Variants in PDSS2 observed in about 807,000 individuals in gnomAD.
The protein encoded by PDSS2 is all trans-polyprenyl-diphosphate synthase PDSS2.
A neutral mutation model predicts 44.5 loss-of-function variants in PDSS2; 31 were observed. That is an observed-to-expected ratio of 0.70 (90% CI 0.52 to 0.94). The LOEUF is 0.94. Ranked by LOEUF, PDSS2 falls within the 40% of genes least tolerant of loss-of-function variation. PDSS2 has a pLI of 0.00. For synonymous variants in PDSS2, 157 were observed against 180.3 expected (o/e 0.87, Z 1.03); for missense variants, 452 against 482.2 (o/e 0.94, Z 0.59).
chr6:107,194,058 T>C (rs1485738448), intron 6 of PDSS2, among the ~76,000 whole-genome samples: 1 of 152,184 alleles, frequency 6.6e-6, no homozygotes, highest in East Asian at 1.9e-4. Flanking sequence ...TGAGCACGCA[T>C]AGACACTACC....
intron 2 of PDSS2, among the ~76,000 whole-genome samples, chr6:107,305,377 C>T (rs1356590761): frequency 6.6e-6 from 1 of 152,046 alleles, no homozygotes; most frequent in Admixed American, 6.6e-5. Context: ...ACATCAGAAC[C>T]TTTCTCTGGG....
At chr6:107,175,214 GA>G (rs35268855) in intron 7 of PDSS2, among the ~76,000 whole-genome samples, 46,117 of 140,334 alleles carry the variant, frequency 0.33, 7,508 homozygotes, top group East Asian at 0.53. Flanking sequence ...TCCATCTCAG[GA>G]AAAAAAAAAA....
intron 6 of PDSS2, among the ~76,000 whole-genome samples, chr6:107,197,090 A>G (rs544090405): frequency 6.6e-6 from 1 of 152,286 alleles, no homozygotes; most frequent in African/African-American, 2.4e-5. Context: ...TCTGTTCCAA[A>G]ATTCACATAG....
chr6:107,381,886 G>C (rs1262591195), intron 1 of PDSS2, among the ~76,000 whole-genome samples: 2 of 152,116 alleles, frequency 1.3e-5, no homozygotes, highest in Non-Finnish European at 2.9e-5. Context: ...TTTTTTCAGA[G>C]GTTTAACACT....
intron 1 of PDSS2, among the ~76,000 whole-genome samples, chr6:107,456,664 C>T (rs1302616379): frequency 1.3e-5 from 2 of 152,296 alleles, no homozygotes; most frequent in African/African-American, 2.4e-5. Flanking sequence ...TCGCAATCCT[C>T]CCAAGCAGCT....
At chr6:107,360,504 T>C (rs1233980682) in intron 1 of PDSS2, among the ~76,000 whole-genome samples, 2 of 152,324 alleles carry the variant, frequency 1.3e-5, no homozygotes, top group East Asian at 3.9e-4. Flanking sequence ...ACCAGAGGCA[T>C]AGTTTATGAG....
intron 1 of PDSS2, among the ~76,000 whole-genome samples, chr6:107,457,884 T>C (rs1324147032): frequency 6.6e-6 from 1 of 152,142 alleles, no homozygotes; most frequent in Non-Finnish European, 1.5e-5. Context: ...CGTACTTACG[T>C]AGGAGATTAC....
intron 1 of PDSS2, among the ~76,000 whole-genome samples, chr6:107,353,332 C>A (rs1265877893): frequency 1.3e-5 from 2 of 152,156 alleles, no homozygotes; most frequent in Non-Finnish European, 2.9e-5. Flanking sequence ...TTACTTCTTT[C>A]TTCCCTAGGC....
intron 1 of PDSS2, among the ~76,000 whole-genome samples, chr6:107,423,841 GCAGAGCAGAAA>G (rs1780901429): frequency 6.6e-6 from 1 of 151,970 alleles, no homozygotes; most frequent in Admixed American, 6.6e-5. Context: ...CAGGTAAAAG[GCAGAGCAGAAA>G]CAACTTCTTC....
In PDSS2 at chr6:107,264,063, C is replaced by A. The variant is rs150997268; in HGVS notation, c.630+9966G>T. ...AAAATAGTGCAAGCAAAACTATAAA[C>A]ACTATCATAATAATGCCTATTTTAA... On this transcript the variant is annotated intron_variant, in intron 3 of 7. Coordinates refer to ENST00000369037, the MANE Select transcript of PDSS2 (RefSeq NM_020381.4). The A allele has an allele frequency of 3.0e-4, 53 of 176,194 alleles. 1 individual carries two copies. In the East Asian group the frequency reaches 8.3e-3, roughly 28 times the overall value. The allele number at this position is 176,194 out of a possible 1,614,324, so 10.9% of individuals were successfully genotyped here.
At chr6:107,449,782 G>A (rs966508778) in intron 1 of PDSS2, among the ~76,000 whole-genome samples, 2 of 152,146 alleles carry the variant, frequency 1.3e-5, no homozygotes, top group African/African-American at 4.8e-5. Context: ...TGTTGCCCAA[G>A]CTGGTCTCAA....
intron 2 of PDSS2, among the ~76,000 whole-genome samples, chr6:107,282,701 T>TA (rs949733416): frequency 8.7e-5 from 13 of 148,986 alleles, no homozygotes; most frequent in African/African-American, 2.0e-4. Flanking sequence ...CCGACTCTAC[T>TA]AAAAAAAAAT....
intron 7 of PDSS2, among the ~76,000 whole-genome samples, chr6:107,160,282 T>C (rs1449266080): frequency 1.3e-5 from 2 of 151,956 alleles, no homozygotes; most frequent in Non-Finnish European, 2.9e-5. Flanking sequence ...AAGGGTAAAC[T>C]GTGAAAAGCA....
At position 107,318,566 on chromosome 6, in the gene PDSS2, TGAA is replaced by T. The variant is rs1777277536; in HGVS notation, c.431+15629_431+15631del. ...TTTCCTTATATACCAAAAAGTTCCC[TGAA>T]GAAGACAATAAAAATGATAATGCCT... On this transcript the variant is annotated intron_variant, in intron 2 of 7. Transcript: ENST00000369037. Among the ~76,000 whole-genome samples, 3 of 152,270 alleles carry T rather than the reference TGAA, an allele frequency of 2.0e-5. No homozygotes were observed. In the South Asian group the frequency reaches 6.2e-4, roughly 32 times the overall value.
At chr6:107,199,488 T>C (rs368166523) in intron 6 of PDSS2, among the ~76,000 whole-genome samples, 8 of 152,278 alleles carry the variant, frequency 5.3e-5, no homozygotes, top group African/African-American at 1.9e-4. Flanking sequence ...TTTATAGAGA[T>C]GGGGTCTCAC....
At position 107,335,704 on chromosome 6, in the gene PDSS2, G is replaced by A. The variant is rs1033514463; in HGVS notation, c.297-1372C>T. ...AATGGTTGTCATTCAAGAACTAAAT[G>A]GCATTGTTTTAAAAAATTAGAAAAC... On this transcript the variant is annotated intron_variant, in intron 1 of 7. Coordinates refer to ENST00000369037, the MANE Select transcript of PDSS2 (RefSeq NM_020381.4). 2.0e-5 allele frequency among the ~76,000 whole-genome samples: 3 copies of A among 152,042 alleles called. No individual in the cohort carries two copies. In the South Asian group the frequency reaches 6.2e-4, roughly 32 times the overall value.
intron 1 of PDSS2, among the ~76,000 whole-genome samples, chr6:107,335,827 T>G (rs1777868726): frequency 6.6e-6 from 1 of 152,082 alleles, no homozygotes; most frequent in African/African-American, 2.4e-5. Context: ...CAAATATAGC[T>G]CTCGAATGCA....
intron 6 of PDSS2, among the ~76,000 whole-genome samples, chr6:107,198,738 A>C (rs961673512): frequency 6.6e-6 from 1 of 152,166 alleles, no homozygotes; most frequent in African/African-American, 2.4e-5. Context: ...GGCAGATCAC[A>C]TGAGCACAAG....
chr6:107,217,309 G>T (rs920642422), intron 4 of PDSS2, among the ~76,000 whole-genome samples: 5 of 152,136 alleles, frequency 3.3e-5, no homozygotes, highest in Non-Finnish European at 5.9e-5. Context: ...GAAATGAGGG[G>T]ATTACTCTGG....
Sources: gnomAD v4.1 joint callset for allele counts (sites outside exome capture counted in the v4.1 genomes callset) on GRCh38, gnomAD v4.1.1 for gene constraint, MANE v1.5 for transcripts, NCBI Gene and HGNC (gene_info 2026-07-23, HGNC 2026-07-21) for gene names.